HMBOX1: variants seen among roughly 807,000 people sequenced by gnomAD.
The protein encoded by HMBOX1 is homeobox containing 1.
A neutral mutation model predicts 54.5 loss-of-function variants in HMBOX1; 14 were observed. The ratio of observed to expected loss-of-function variants is 0.26; its 90% CI spans 0.17 to 0.40. HMBOX1 has a LOEUF of 0.40. Ranked by LOEUF, HMBOX1 falls within the 10% of genes least tolerant of loss-of-function variation. The pLI is 1.00. For missense variants in HMBOX1, 332 were observed against 514.4 expected (o/e 0.65, Z 3.43); for synonymous variants, 160 against 181.0 (o/e 0.88, Z 0.93).
intron 1 of HMBOX1, among the ~76,000 whole-genome samples, chr8:28,957,184 A>G (rs1824614132): frequency 6.6e-6 from 1 of 152,234 alleles, no homozygotes; most frequent in Non-Finnish European, 1.5e-5. Flanking sequence ...TCAACAGTGG[A>G]ACGGATAAAG....
intron 1 of HMBOX1, among the ~76,000 whole-genome samples, chr8:28,931,568 A>C (rs1819470989): frequency 6.6e-6 from 1 of 151,976 alleles, no homozygotes; most frequent in Non-Finnish European, 1.5e-5. Context: ...CTGAGACAGG[A>C]TCTTGCTGTG....
intron 6 of HMBOX1, among the ~76,000 whole-genome samples, chr8:29,037,631 T>G (rs1166682126): frequency 6.6e-6 from 1 of 152,222 alleles, no homozygotes; most frequent in Non-Finnish European, 1.5e-5. Context: ...ATATGTAGTT[T>G]TATACTTTCT....
At chr8:29,024,972 C>G (rs556997343) in intron 6 of HMBOX1, among the ~76,000 whole-genome samples, 9 of 152,132 alleles carry the variant, frequency 5.9e-5, no homozygotes, top group South Asian at 2.1e-4. Flanking sequence ...CCCTACCCCC[C>G]ACCCCGTCGG....
At chr8:28,930,647 A>G (rs1275141899) in intron 1 of HMBOX1, among the ~76,000 whole-genome samples, 1 of 152,000 alleles carries the variant, frequency 6.6e-6, no homozygotes, top group Non-Finnish European at 1.5e-5. Flanking sequence ...CCTTAAGCAT[A>G]CTTTGTGTTT....
chr8:28,940,593 T>G (rs1489482973), intron 1 of HMBOX1, among the ~76,000 whole-genome samples: 1 of 152,212 alleles, frequency 6.6e-6, no homozygotes, highest in Non-Finnish European at 1.5e-5. Flanking sequence ...AACACAGTTG[T>G]TGCATAATAA....
At chr8:28,948,182 T>C (rs1444900945) in intron 1 of HMBOX1, among the ~76,000 whole-genome samples, 2 of 152,216 alleles carry the variant, frequency 1.3e-5, no homozygotes, top group Admixed American at 6.5e-5. Flanking sequence ...TACCATCCAC[T>C]GTCTCTATCT....
chr8:29,004,295 G>A (rs1833104015), intron 4 of HMBOX1, among the ~76,000 whole-genome samples: 1 of 152,158 alleles, frequency 6.6e-6, no homozygotes. Context: ...AAGGAATTCT[G>A]AGGGTTACTA....
intron 2 of HMBOX1, among the ~76,000 whole-genome samples, chr8:28,969,816 A>G (rs1450036562): frequency 2.0e-5 from 3 of 152,208 alleles, no homozygotes; most frequent in Non-Finnish European, 2.9e-5. Flanking sequence ...TGTAAATTGT[A>G]TGCCATATGA....
chr8:28,977,824 G>T (rs1460982671), intron 3 of HMBOX1, among the ~76,000 whole-genome samples: 1 of 151,692 alleles, frequency 6.6e-6, no homozygotes, highest in East Asian at 1.9e-4. Context: ...GGCGCCTGTA[G>T]TCCCAGCTAC....
At chr8:28,890,364 A>G (rs193035893), upstream of HMBOX1, 1 of 168,700 alleles carries the variant, frequency 5.9e-6, no homozygotes, top group East Asian at 1.7e-4. Context: ...ACTCCCAGGG[A>G]CGCCCGGCGG....
chr8:29,042,675 TAAATG>T, intron 6 of HMBOX1: 1 of 455,930 alleles, frequency 2.2e-6, no homozygotes, highest in Non-Finnish European at 4.4e-6. Context: ...TGGAAGAAAA[TAAATG>T]GAAGTTGCTT....
intron 1 of HMBOX1, among the ~76,000 whole-genome samples, chr8:28,959,433 T>C (rs1825067901): frequency 6.6e-6 from 1 of 152,308 alleles, no homozygotes; most frequent in South Asian, 2.1e-4. Flanking sequence ...TTAAAACTTA[T>C]GAATTGTTTA....
At chr8:28,924,192 C>T (rs1326655957) in intron 1 of HMBOX1, among the ~76,000 whole-genome samples, 8 of 151,250 alleles carry the variant, frequency 5.3e-5, no homozygotes, top group Non-Finnish European at 7.4e-5. Context: ...CTGCAAGCTC[C>T]GCCTCCCGGG....
intron 6 of HMBOX1, among the ~76,000 whole-genome samples, chr8:29,042,049 A>T (rs1395028880): frequency 6.6e-6 from 1 of 152,186 alleles, no homozygotes; most frequent in African/African-American, 2.4e-5. Flanking sequence ...ATCAAATCTA[A>T]GAAGGCCTTG....
chr8:28,916,395 A>G lies in HMBOX1; in HGVS notation c.-58+25717A>G, dbSNP rs546137433. ...GGATCACAAATCCTATGCTATTCAC[A>G]AAGAGTTTTTCTCCTGTGTTTTGTT... On this transcript the variant is annotated intron_variant, in intron 1 of 9. Coordinates refer to ENST00000287701, the MANE Select transcript of HMBOX1 (RefSeq NM_001135726.3). Among the ~76,000 whole-genome samples, 6 of 152,316 alleles carry G rather than the reference A, an allele frequency of 3.9e-5. No individual in the cohort carries two copies. The South Asian group carries it at 1.0e-3, about 26-fold the overall frequency.
At chr8:28,893,597 T>C (rs547616418) in intron 1 of HMBOX1, among the ~76,000 whole-genome samples, 1 of 152,352 alleles carries the variant, frequency 6.6e-6, no homozygotes, top group Admixed American at 6.5e-5. Context: ...GATTTCAGTC[T>C]TCTAGCCCAA....
chr8:28,938,450 T>G (rs1820762367), intron 1 of HMBOX1, among the ~76,000 whole-genome samples: 1 of 152,066 alleles, frequency 6.6e-6, no homozygotes, highest in Admixed American at 6.5e-5. Context: ...TATTTTTAGT[T>G]TTTTAAGAGA....
intron 5 of HMBOX1, among the ~76,000 whole-genome samples, chr8:29,017,050 C>T (rs2132964784): frequency 6.6e-6 from 1 of 152,302 alleles, no homozygotes; most frequent in Middle Eastern, 3.4e-3. Flanking sequence ...CTGTCTATCA[C>T]CTGGTTTCTG....
At chr8:28,977,868 C>T (rs1267461606) in intron 3 of HMBOX1, among the ~76,000 whole-genome samples, 1 of 151,076 alleles carries the variant, frequency 6.6e-6, no homozygotes, top group African/African-American at 2.4e-5. Flanking sequence ...GACGTGAACC[C>T]GGGAGGCGGA....
Sources: gnomAD v4.1 joint callset for allele counts (sites outside exome capture counted in the v4.1 genomes callset) on GRCh38, gnomAD v4.1.1 for gene constraint, MANE v1.5 for transcripts, NCBI Gene and HGNC (gene_info 2026-07-23, HGNC 2026-07-21) for gene names.